The following WDR1 variants were observed in gnomAD, a reference collection of about 807,000 sequenced individuals.
The protein encoded by WDR1 is WD repeat domain 1, also known as WD repeat-containing protein 1.
Under a neutral mutation model 71.9 loss-of-function variants are expected in WDR1, and 21 were observed. The ratio of observed to expected loss-of-function variants is 0.29; its 90% confidence interval spans 0.21 to 0.42. The LOEUF is 0.42. Ranked by LOEUF, WDR1 falls within the 10% of genes least tolerant of loss-of-function variation. The pLI is 1.00. For missense variants in WDR1, 696 were observed against 824.5 expected (o/e 0.84, Z 1.91); for synonymous variants, 424 against 347.4 (o/e 1.22, Z -2.45).
intron 5 of WDR1, among the ~76,000 whole-genome samples, chr4:10,094,191 G>A (rs890923817): frequency 9.2e-5 from 14 of 152,186 alleles, no homozygotes; most frequent in African/African-American, 2.4e-4. Context: ...CCCCCAGGAC[G>A]ACATGCTGCT....
rs536295893 is a variant in WDR1, at chr4:10,116,007, C to T, written c.138+106G>A. On this transcript the variant is annotated intron_variant, in intron 2 of 14. Transcript: ENST00000499869. ...GGTAGAGGGGGCGTGGCGCCCTCAC[C>T]CTCCCCGGGCCAATGGGCAGGAGGT... The T allele has an allele frequency of 2.3e-5, 33 of 1,466,018 alleles. No individual in the cohort carries two copies. The East Asian group carries it at 2.4e-4, about 11-fold the overall frequency. 90.8% of individuals were successfully genotyped at this position (1,466,018 alleles called of 1,614,324 possible).
intron 5 of WDR1, chr4:10,096,669 T>C (rs748663724): frequency 6.6e-6 from 1 of 152,294 alleles, no homozygotes; most frequent in Non-Finnish European, 1.5e-5. Flanking sequence ...CCAGCTGCAC[T>C]GCGCAGGCTA....
At chr4:10,099,676 G>T (rs34104130) in intron 3 of WDR1, among the ~76,000 whole-genome samples, 30,133 of 152,270 alleles carry the variant, frequency 0.2, 3,666 homozygotes, top group South Asian at 0.35. Flanking sequence ...ATGCCTCAGC[G>T]TGGCCTGGCG....
At chr4:10,113,348 G>A (rs539652144) in intron 2 of WDR1, among the ~76,000 whole-genome samples, 81 of 152,264 alleles carry the variant, frequency 5.3e-4, no homozygotes, top group African/African-American at 1.9e-3. Flanking sequence ...GCGACAGTAA[G>A]CCTCCACCTC....
At chr4:10,085,770 T>C (rs953892867) in intron 8 of WDR1, among the ~76,000 whole-genome samples, 2 of 152,192 alleles carry the variant, frequency 1.3e-5, no homozygotes, top group African/African-American at 2.4e-5. Flanking sequence ...AGCTCCCAGG[T>C]GGTTCTAACA....
At chr4:10,076,825 G>C (rs886727948) in intron 14 of WDR1, 3 of 162,644 alleles carry the variant, frequency 1.8e-5, no homozygotes, top group African/African-American at 7.2e-5. Flanking sequence ...TACAATACGT[G>C]CATGGCCACG....
At chr4:10,084,923 A>T (rs2241476) in intron 8 of WDR1, among the ~76,000 whole-genome samples, 1 of 152,038 alleles carries the variant, frequency 6.6e-6, no homozygotes, top group African/African-American at 2.4e-5. Flanking sequence ...GTCCAGGAGG[A>T]CTTCGCTGGC....
At chr4:10,097,271 T>C (rs1712401719) in intron 5 of WDR1, among the ~76,000 whole-genome samples, 1 of 152,254 alleles carries the variant, frequency 6.6e-6, no homozygotes, top group South Asian at 2.1e-4. Context: ...GTTTGTCACT[T>C]TGCAGGCGCA....
intron 3 of WDR1, among the ~76,000 whole-genome samples, chr4:10,101,933 C>G (rs973130670): frequency 2.0e-5 from 3 of 152,352 alleles, no homozygotes; most frequent in Admixed American, 2.0e-4. Context: ...AAATAAATCA[C>G]AGAGCTAAAT....
chr4:10,093,247 C>T (rs1018718711), intron 5 of WDR1: 3 of 850,662 alleles, frequency 3.5e-6, no homozygotes, highest in South Asian at 1.5e-5. Flanking sequence ...ACAAGAGGAC[C>T]ACAAGCCCAC....
At chr4:10,098,492 G>A (rs758882664) in intron 4 of WDR1, among the ~76,000 whole-genome samples, 25 of 152,206 alleles carry the variant, frequency 1.6e-4, no homozygotes, top group Non-Finnish European at 2.8e-4. Flanking sequence ...CCTGGGTTTC[G>A]GCACCAACCT....
At chr4:10,079,125 T>C (rs1200778222) in intron 11 of WDR1, 124 bp from the exon 12 acceptor site, 22 of 672,032 alleles carry the variant, frequency 3.3e-5, no homozygotes, top group Admixed American at 1.5e-4. Flanking sequence ...CCCAACCTCT[T>C]TGCAGGGCCA....
intron 3 of WDR1, among the ~76,000 whole-genome samples, chr4:10,102,937 ATGAATGAATGAGTGAG>A (rs1712769085): frequency 6.6e-6 from 1 of 152,212 alleles, no homozygotes; most frequent in South Asian, 2.1e-4. Flanking sequence ...TGTTGAGCTT[ATGAATGAATGAGTGAG>A]TGAATGAATG....
Position 10,103,984 on chromosome 4 carries a change from G to A in WDR1, c.141C>T (p.Asn47=). 2 of 1,595,694 alleles carry A rather than the reference G, an allele frequency of 1.3e-6. No homozygotes were observed. Among genetic ancestry groups the A allele is most frequent in the Non-Finnish European group, 1.7e-6 (2 of 1,171,478 alleles). Residue 47 remains asparagine (N), a splice_region_variant and synonymous_variant, in exon 3 of 15, where the codon AAC becomes AAT. Coordinates refer to ENST00000499869, the MANE Select transcript of WDR1 (RefSeq NM_017491.5). Reference sequence around the variant, plus strand: ...CTGTGTAGATGTCAGCAAGGGCTGGGTTCTGCAGGAGGAGACCCCGGAATG... The same window carrying A: ...CTGTGTAGATGTCAGCAAGGGCTGGATTCTGCAGGAGGAGACCCCGGAATG... ...GKCVILRNID[N]PALADIYTEH... is the part of the protein sequence containing the mutation.
intron 8 of WDR1, among the ~76,000 whole-genome samples, chr4:10,085,734 G>A (rs1458133267): frequency 2.6e-5 from 4 of 152,216 alleles, no homozygotes; most frequent in Non-Finnish European, 5.9e-5. Context: ...GTGCCTCTGG[G>A]GGCGTCAGCA....
intron 5 of WDR1, among the ~76,000 whole-genome samples, chr4:10,088,947 G>A (rs763755044): frequency 2.0e-5 from 3 of 152,240 alleles, no homozygotes; most frequent in Non-Finnish European, 2.9e-5. Flanking sequence ...CTGCCATGCT[G>A]ACCGCTCTAC....
chr4:10,115,039 C>T (rs112444912), intron 2 of WDR1, among the ~76,000 whole-genome samples: 33 of 152,326 alleles, frequency 2.2e-4, no homozygotes, highest in African/African-American at 7.5e-4. Flanking sequence ...CAAGTGTGTC[C>T]GATCAACAGT....
Position 10,077,447 on chromosome 4 carries a change from T to C in WDR1, c.1571A>G (p.Glu524Gly), listed in dbSNP as rs748055178. The change falls in exon 14 of 15, where the codon GAG becomes GGG. Residue 524 changes from glutamate to glycine, a missense_variant and splice_region_variant. Coordinates refer to ENST00000499869, the MANE Select transcript of WDR1 (RefSeq NM_017491.5). ...TVFSVADGYS[E>G]NNVFYGHHAK... ...ATGGTGTCCATAAAAAACATTGTTC[T>C]CCTAGTTGCAGGTTGAAAACAAGAG... is the stretch of plus-strand genomic sequence containing the variant. 1 of 1,613,970 alleles carries C rather than the reference T, an allele frequency of 6.2e-7. No individual in the cohort carries two copies. Among genetic ancestry groups the C allele is most frequent in the Non-Finnish European group, 8.5e-7 (1 of 1,179,858 alleles).
At chr4:10,116,035 G>A in intron 2 of WDR1, 78 bp downstream of exon 2, 7 of 1,548,936 alleles carry the variant, frequency 4.5e-6, no homozygotes, top group Admixed American at 1.8e-5. Flanking sequence ...CAGGAGGTGA[G>A]AAGTGGAGAG....
Sources: allele counts gnomAD v4.1 joint callset (sites outside exome capture counted in the v4.1 genomes callset), GRCh38; gene constraint gnomAD v4.1.1; transcripts MANE v1.5; gene names NCBI Gene and HGNC (gene_info 2026-07-23, HGNC 2026-07-21).